ADGRL2: variants seen among roughly 807,000 people sequenced by gnomAD.
ADGRL2 encodes the protein calcium-independent alpha-latrotoxin receptor 2.
A neutral mutation model predicts 157.4 loss-of-function variants in ADGRL2; 44 were observed. The observed-to-expected ratio is 0.28, with a 90% CI of 0.22 to 0.36. The LOEUF (loss-of-function observed/expected upper bound fraction) is 0.36. Among genes scored for constraint, ADGRL2 ranks in the 10% least tolerant of loss-of-function variants. ADGRL2 has a pLI of 1.00. For synonymous variants in ADGRL2, 585 were observed against 624.7 expected, an observed-to-expected ratio of 0.94 and a Z score of 0.95; for missense variants, 1,510 against 1,768.9, an observed-to-expected ratio of 0.85 and a Z score of 2.63.
At chr1:81,394,862 T>C (rs980087348) in intron 1 of ADGRL2, among the ~76,000 whole-genome samples, 1 of 152,012 alleles carries the variant, frequency 6.6e-6, no homozygotes, top group Non-Finnish European at 1.5e-5. Context: ...CAGCATTTGT[T>C]ATATTTTGTC....
intron 3 of ADGRL2, among the ~76,000 whole-genome samples, chr1:81,679,161 A>C (rs1008932753): frequency 6.6e-6 from 1 of 152,116 alleles, no homozygotes; most frequent in Non-Finnish European, 1.5e-5. Context: ...ACTAACAGGG[A>C]GGCAGGCTGG....
intron 2 of ADGRL2, among the ~76,000 whole-genome samples, chr1:81,469,058 C>T (rs1475515295): frequency 6.6e-6 from 1 of 152,144 alleles, no homozygotes; most frequent in African/African-American, 2.4e-5. Flanking sequence ...ACTTCAATTT[C>T]CCTCCAAAAA....
At chr1:81,967,619 G>A (rs570418193) in intron 13 of ADGRL2, among the ~76,000 whole-genome samples, 1 of 152,240 alleles carries the variant, frequency 6.6e-6, no homozygotes, top group East Asian at 1.9e-4. Context: ...ATTGCTGCTA[G>A]TGTATCTCTT....
chr1:81,626,129 C>T (rs567255307), intron 3 of ADGRL2, among the ~76,000 whole-genome samples: 23 of 152,098 alleles, frequency 1.5e-4, no homozygotes, highest in South Asian at 2.1e-4. Context: ...TCACAAAGCC[C>T]GATCAGGAAC....
intron 2 of ADGRL2, among the ~76,000 whole-genome samples, chr1:81,517,116 A>AT (rs896948287): frequency 2.6e-5 from 4 of 151,996 alleles, no homozygotes; most frequent in African/African-American, 2.4e-5. Context: ...AATAATTCTT[A>AT]TTTTTTTCAC....
intron 2 of ADGRL2, among the ~76,000 whole-genome samples, chr1:81,540,544 G>T (rs188863352): frequency 6.6e-6 from 1 of 152,322 alleles, no homozygotes; most frequent in Admixed American, 6.5e-5. Flanking sequence ...TTTAGATAGG[G>T]TGATCACAAA....
chr1:81,943,623 G>A lies in ADGRL2; in HGVS notation c.1064G>A (p.Gly355Glu). Residue 355 changes from glycine (G) to glutamate (E), a missense_variant, in exon 6 of 24, where the codon GGA becomes GAA. Around this residue, in one of 4 missense-constraint regions of ADGRL2, gnomAD observed 361 missense variants for 498.4 expected, o/e 0.72. Coordinates refer to ENST00000686636, the MANE Select transcript of ADGRL2 (RefSeq NM_001366006.2). The surrounding 1 kb of genome is among the most constrained non-coding windows in gnomAD (Gnocchi z 5.6). The stretch of plus-strand genomic sequence containing the variant: ...ATTTATAATACCCGATTAAACCGAG[G>A]AGAATATGTAGATGTTCCCTTCCCC... ...DYIYNTRLNR[G>E]EYVDVPFPNQ... 6.2e-7 allele frequency: 1 copy of A among 1,613,684 alleles called. No homozygotes were observed. The highest frequency in any genetic ancestry group is 8.5e-7 in the Non-Finnish European group (1 of 1,179,714).
At position 81,462,413 on chromosome 1, in the gene ADGRL2, G is replaced by T. The variant is rs138794720; in HGVS notation, c.-248+17324G>T. Among the ~76,000 whole-genome samples the T allele has an allele frequency of 4.0e-3, 616 of 152,112 alleles. 5 individuals carry two copies. The highest frequency in any genetic ancestry group is 4.9e-3 in the Non-Finnish European group (332 of 67,976). On this transcript the variant is annotated intron_variant, in intron 2 of 24. Transcript: ENST00000370721. ...ACATTTAAGAGCTGTAACACTCACC[G>T]TGAGGGTCTGTGGCTTCATTCTTGA...
At chr1:81,428,671 G>A (rs899323818) in intron 1 of ADGRL2, among the ~76,000 whole-genome samples, 2 of 152,170 alleles carry the variant, frequency 1.3e-5, no homozygotes, top group African/African-American at 4.8e-5. Context: ...ATGATGGCCT[G>A]AGGCAAAGTT....
chr1:81,591,063 C>T (rs970497450), intron 3 of ADGRL2, among the ~76,000 whole-genome samples: 5 of 152,166 alleles, frequency 3.3e-5, no homozygotes, highest in Admixed American at 2.0e-4. Context: ...CTGGGTCATG[C>T]TGAAATGTGG....
intron 1 of ADGRL2, among the ~76,000 whole-genome samples, chr1:81,398,649 T>C (rs1036393286): frequency 6.6e-6 from 1 of 152,212 alleles, no homozygotes; most frequent in Non-Finnish European, 1.5e-5. Flanking sequence ...AGGGTAGCTT[T>C]ACTGAGTTTA....
intron 1 of ADGRL2, among the ~76,000 whole-genome samples, chr1:81,441,981 A>C (rs556822895): frequency 2.0e-4 from 31 of 152,218 alleles, no homozygotes; most frequent in Non-Finnish European, 4.3e-4. Flanking sequence ...CTACAGATGC[A>C]CACTACCATG....
At chr1:81,466,373 G>A (rs1419052593) in intron 2 of ADGRL2, among the ~76,000 whole-genome samples, 1 of 152,172 alleles carries the variant, frequency 6.6e-6, no homozygotes, top group African/African-American at 2.4e-5. Context: ...AGTTTTACAG[G>A]ATTTTGACTA....
chr1:81,331,591 T>A (rs914018067), intron 1 of ADGRL2, among the ~76,000 whole-genome samples: 3 of 152,134 alleles, frequency 2.0e-5, no homozygotes, highest in African/African-American at 7.2e-5. Flanking sequence ...GAAAATGATG[T>A]TTGACATTAA....
intron 1 of ADGRL2, among the ~76,000 whole-genome samples, chr1:81,801,466 C>T (rs1479032366): frequency 6.6e-6 from 1 of 152,194 alleles, no homozygotes; most frequent in Non-Finnish European, 1.5e-5. Flanking sequence ...CACACACACG[C>T]AGAGGTGCTG....
chr1:81,553,342 G>A (rs1557453948), intron 2 of ADGRL2, among the ~76,000 whole-genome samples: 1 of 152,068 alleles, frequency 6.6e-6, no homozygotes, highest in East Asian at 1.9e-4. Context: ...TAAGCACCCG[G>A]TTTTTGAACT....
chr1:81,523,227 A>C (rs1432638911), intron 2 of ADGRL2, among the ~76,000 whole-genome samples: 1 of 152,188 alleles, frequency 6.6e-6, no homozygotes, highest in Non-Finnish European at 1.5e-5. Flanking sequence ...ATGTCATACT[A>C]ATATAAAACG....
intron 3 of ADGRL2, among the ~76,000 whole-genome samples, chr1:81,682,103 A>ATGTGTGTG (rs57943530): frequency 0.039 from 5,798 of 147,990 alleles, 134 homozygotes; most frequent in African/African-American, 0.06. Context: ...ATACATATAT[A>ATGTGTGTG]TGTGTGTGTG....
At chr1:81,483,514 A>G (rs1286061847) in intron 2 of ADGRL2, among the ~76,000 whole-genome samples, 1 of 152,198 alleles carries the variant, frequency 6.6e-6, no homozygotes, top group Non-Finnish European at 1.5e-5. Context: ...ATTTCAAGTA[A>G]TTCATTATTT....
Sources: allele counts gnomAD v4.1 joint callset (sites outside exome capture counted in the v4.1 genomes callset), GRCh38; gene constraint gnomAD v4.1.1; regional missense constraint gnomAD v4.1.1; non-coding constraint Gnocchi (gnomAD v3.1); transcripts MANE v1.5; gene names NCBI Gene and HGNC (gene_info 2026-07-23, HGNC 2026-07-21).